SETBP1: variants seen among roughly 807,000 people sequenced by gnomAD.
The protein encoded by SETBP1 is SET binding protein 1.
Under a neutral mutation model 101.0 loss-of-function variants are expected in SETBP1, and 9 were observed. That is an observed-to-expected ratio of 0.09 (90% CI 0.05 to 0.16). The LOEUF is 0.16. SETBP1 is among the 10% of genes least tolerant of loss of function. SETBP1 has a pLI of 1.00. For missense variants in SETBP1, 1,858 were observed against 2,033.8 expected (o/e 0.91, Z 1.66); for synonymous variants, 818 against 788.5 (o/e 1.04, Z -0.63).
At chr18:45,013,558 G>C (rs2072883605) in intron 4 of SETBP1, among the ~76,000 whole-genome samples, 1 of 152,168 alleles carries the variant, frequency 6.6e-6, no homozygotes, top group East Asian at 1.9e-4. Flanking sequence ...TCCTGCCTCA[G>C]CCTCCCAAGT....
intron 3 of SETBP1, among the ~76,000 whole-genome samples, chr18:44,884,366 A>G (rs1310453345): frequency 6.6e-6 from 1 of 152,208 alleles, no homozygotes; most frequent in Non-Finnish European, 1.5e-5. Context: ...AATAAATGCA[A>G]TTGTAAAACC....
At chr18:44,913,542 A>G (rs2070361251) in intron 3 of SETBP1, among the ~76,000 whole-genome samples, 1 of 152,230 alleles carries the variant, frequency 6.6e-6, no homozygotes, top group Admixed American at 6.5e-5. Context: ...GCTGGGTACA[A>G]CTTGAACATG....
At chr18:44,990,581 G>T (rs1402488928) in intron 4 of SETBP1, among the ~76,000 whole-genome samples, 1 of 151,320 alleles carries the variant, frequency 6.6e-6, no homozygotes, top group Non-Finnish European at 1.5e-5. Context: ...AACAGAGAAA[G>T]ACCTTGTCTC....
intron 3 of SETBP1, among the ~76,000 whole-genome samples, chr18:44,921,607 T>C (rs80275646): frequency 0.013 from 1,995 of 152,334 alleles, 38 homozygotes; most frequent in African/African-American, 0.046. Context: ...GCAATTTTTT[T>C]TTATCATCAT....
intron 2 of SETBP1, among the ~76,000 whole-genome samples, chr18:44,783,680 G>A (rs954224522): frequency 6.6e-6 from 1 of 152,108 alleles, no homozygotes. Flanking sequence ...CAGCATATTT[G>A]ATTCTTTCAG....
chr18:44,747,392 G>C (rs1330455517), intron 2 of SETBP1, among the ~76,000 whole-genome samples: 3 of 152,200 alleles, frequency 2.0e-5, no homozygotes, highest in African/African-American at 7.2e-5. Flanking sequence ...ACTGAAAAGA[G>C]CATTAGAAAT....
At chr18:44,895,951 C>G (rs954923252) in intron 3 of SETBP1, among the ~76,000 whole-genome samples, 2 of 152,072 alleles carry the variant, frequency 1.3e-5, no homozygotes, top group African/African-American at 2.4e-5. Flanking sequence ...AAAATCATTT[C>G]CCCATGCCCG....
chr18:45,024,610 C>G (rs2073129422), intron 4 of SETBP1, among the ~76,000 whole-genome samples: 1 of 152,176 alleles, frequency 6.6e-6, no homozygotes, highest in African/African-American at 2.4e-5. Flanking sequence ...AAAATACTTC[C>G]CTTTTATCTT....
chr18:44,775,329 A>G (rs1272970743), intron 2 of SETBP1, among the ~76,000 whole-genome samples: 3 of 152,214 alleles, frequency 2.0e-5, no homozygotes, highest in African/African-American at 4.8e-5. Context: ...GGATATTTCT[A>G]TGTGATACCT....
At chr18:44,806,594 C>T (rs1341397081) in intron 2 of SETBP1, among the ~76,000 whole-genome samples, 1 of 119,958 alleles carries the variant, frequency 8.3e-6, no homozygotes, top group East Asian at 2.6e-4. Flanking sequence ...TTTGTTTTTC[C>T]GTAGTAGACT....
At chr18:44,786,796 C>T (rs1263239910) in intron 2 of SETBP1, among the ~76,000 whole-genome samples, 1 of 152,190 alleles carries the variant, frequency 6.6e-6, no homozygotes, top group Non-Finnish European at 1.5e-5. Context: ...TAGAGAGCCA[C>T]ACGGGACCTA....
intron 4 of SETBP1, among the ~76,000 whole-genome samples, chr18:45,022,707 G>T (rs2073094609): frequency 6.6e-6 from 1 of 152,180 alleles, no homozygotes; most frequent in South Asian, 2.1e-4. Flanking sequence ...GCAGGTGCCT[G>T]TAATCCCAGC....
chr18:44,950,245 C>T lies in SETBP1; in HGVS notation c.905C>T (p.Pro302Leu). 1 of 1,614,028 alleles carries T rather than the reference C, an allele frequency of 6.2e-7. No homozygotes were observed. The highest frequency in any genetic ancestry group is 8.5e-7 in the Non-Finnish European group (1 of 1,180,030). ...SPSSHSSPAPPSSSAECNGLQ... is the reference protein window; with the variant it reads ...SPSSHSSPAPLSSSAECNGLQ... ...AGCAGCCACAGCTCACCAGCCCCAC[C>T]CAGCAGCTCTGCTGAGTGCAACGGG... Residue 302 changes from proline (P) to leucine (L), a missense_variant, in exon 4 of 6, where the codon CCC becomes CTC. Coordinates refer to ENST00000649279, the MANE Select transcript of SETBP1 (RefSeq NM_015559.3).
chr18:44,940,701 G>A (rs917155801), intron 3 of SETBP1, among the ~76,000 whole-genome samples: 3 of 152,108 alleles, frequency 2.0e-5, no homozygotes, highest in Non-Finnish European at 4.4e-5. Context: ...TTCTACAAAT[G>A]TCATAAATCC....
chr18:45,055,299 C>T (rs2073790413), intron 5 of SETBP1, among the ~76,000 whole-genome samples: 1 of 152,140 alleles, frequency 6.6e-6, no homozygotes, highest in African/African-American at 2.4e-5. Flanking sequence ...ATATTAGTAA[C>T]ATAATTTTGA....
intron 3 of SETBP1, among the ~76,000 whole-genome samples, chr18:44,881,233 G>T (rs2069523842): frequency 6.6e-6 from 1 of 152,174 alleles, no homozygotes; most frequent in Non-Finnish European, 1.5e-5. Flanking sequence ...TACCTCTGGA[G>T]GTGGGATCAA....
chr18:44,688,712 C>T (rs1055909089), intron 1 of SETBP1, among the ~76,000 whole-genome samples: 1 of 152,222 alleles, frequency 6.6e-6, no homozygotes, highest in East Asian at 1.9e-4. Context: ...CTCGGCCTCC[C>T]AAAGTGCTGG....
At chr18:44,908,556 T>C (rs1448656130) in intron 3 of SETBP1, among the ~76,000 whole-genome samples, 8 of 152,222 alleles carry the variant, frequency 5.3e-5, no homozygotes, top group Non-Finnish European at 7.3e-5. Context: ...GATTTATATG[T>C]CTTTTCTTAT....
At chr18:44,816,485 T>C (rs2144857206) in intron 2 of SETBP1, among the ~76,000 whole-genome samples, 1 of 152,242 alleles carries the variant, frequency 6.6e-6, no homozygotes, top group Non-Finnish European at 1.5e-5. Flanking sequence ...GAAAGGCAAG[T>C]GGTAAGTTTT....
Sources: allele counts gnomAD v4.1 joint callset (sites outside exome capture counted in the v4.1 genomes callset), GRCh38; gene constraint gnomAD v4.1.1; transcripts MANE v1.5; gene names NCBI Gene and HGNC (gene_info 2026-07-23, HGNC 2026-07-21).